TRAPPC9: variants seen among roughly 807,000 people sequenced by gnomAD.
TRAPPC9 encodes trafficking protein particle complex subunit 9, also known as IKK2 binding protein.
TRAPPC9 carries 83 observed loss-of-function variants against 124.0 expected under a neutral mutation model. The ratio of observed to expected loss-of-function variants is 0.67; its 90% CI spans 0.56 to 0.80. The LOEUF (loss-of-function observed/expected upper bound fraction) is 0.80. Ranked by LOEUF, TRAPPC9 falls within the 30% of genes least tolerant of loss-of-function variation. The pLI, the probability that TRAPPC9 is intolerant of heterozygous loss-of-function variation, is 0.00. For synonymous variants in TRAPPC9, 638 were observed against 617.5 expected (o/e 1.03, Z -0.49); for missense variants, 1,302 against 1,508.3 (o/e 0.86, Z 2.27).
chr8:139,919,632 G>C (rs1412778167), intron 19 of TRAPPC9, among the ~76,000 whole-genome samples: 1 of 152,156 alleles, frequency 6.6e-6, no homozygotes, highest in African/African-American at 2.4e-5. Context: ...GAGATGTTCT[G>C]GGCATTATTT....
intron 15 of TRAPPC9, among the ~76,000 whole-genome samples, chr8:140,275,279 G>T (rs930217843): frequency 6.6e-6 from 1 of 152,190 alleles, no homozygotes. Flanking sequence ...TGCATGATGG[G>T]TTGGATCCCA....
intron 11 of TRAPPC9, among the ~76,000 whole-genome samples, chr8:140,297,207 C>T (rs977842121): frequency 1.3e-5 from 2 of 152,220 alleles, no homozygotes; most frequent in African/African-American, 4.8e-5. Flanking sequence ...CTTCCTGTCA[C>T]CTCATGTTCT....
chr8:140,051,576 CTT>C (rs1197128988), intron 17 of TRAPPC9, among the ~76,000 whole-genome samples: 24 of 88,016 alleles, frequency 2.7e-4, no homozygotes, highest in Admixed American at 1.4e-3. Flanking sequence ...ATTGTTCATT[CTT>C]TTTTTTTTTT....
Position 140,252,721 on chromosome 8 carries a change from T to G in TRAPPC9, c.2431+56A>C. On this transcript the variant is annotated intron_variant, in intron 16 of 22. Coordinates refer to ENST00000438773, the MANE Select transcript of TRAPPC9 (RefSeq NM_001160372.4). This position sits in a 1 kb window ranked among gnomAD's most constrained non-coding sequence, Gnocchi z 4.2. ...AACAGCAGGCATCAAGGGATGGGGG[T>G]TGCTACACAGTATCTAGGACCCTGA... is the stretch of plus-strand genomic sequence containing the variant. 1 of 1,598,754 alleles carries G rather than the reference T, an allele frequency of 6.3e-7. No individual in the cohort carries two copies. The highest frequency in any genetic ancestry group is 8.5e-7 in the Non-Finnish European group (1 of 1,173,622).
At chr8:140,394,927 G>A (rs2069043770) in intron 7 of TRAPPC9, among the ~76,000 whole-genome samples, 1 of 152,140 alleles carries the variant, frequency 6.6e-6, no homozygotes, top group Non-Finnish European at 1.5e-5. Flanking sequence ...GCAAATCTGT[G>A]GCCCGGCGCA....
At chr8:140,453,318 T>C (rs901061353) in intron 1 of TRAPPC9, among the ~76,000 whole-genome samples, 1 of 152,134 alleles carries the variant, frequency 6.6e-6, no homozygotes, top group Non-Finnish European at 1.5e-5. Flanking sequence ...TTAATTTTGT[T>C]TTCTTTTTCT....
At chr8:140,085,073 G>C (rs370974162) in intron 17 of TRAPPC9, among the ~76,000 whole-genome samples, 1 of 152,142 alleles carries the variant, frequency 6.6e-6, no homozygotes. Context: ...AGTGGAGATG[G>C]GGGTGCAGGG....
chr8:139,890,441 C>T (rs548508088), intron 20 of TRAPPC9, among the ~76,000 whole-genome samples: 1 of 152,360 alleles, frequency 6.6e-6, no homozygotes, highest in South Asian at 2.1e-4. Flanking sequence ...CCAGGGCAGT[C>T]CATGGCCAGC....
chr8:140,337,165 G>T (rs761602283), intron 9 of TRAPPC9, among the ~76,000 whole-genome samples: 1 of 152,146 alleles, frequency 6.6e-6, no homozygotes, highest in Non-Finnish European at 1.5e-5. Flanking sequence ...ACACGCAGCC[G>T]CGGAAGCCCA....
chr8:140,014,459 A>G (rs2131866146), intron 18 of TRAPPC9, among the ~76,000 whole-genome samples: 1 of 152,140 alleles, frequency 6.6e-6, no homozygotes, highest in South Asian at 2.1e-4. Flanking sequence ...TAATAATGAG[A>G]ATTCTACCTA....
rs776639446 is a variant in TRAPPC9 at position 140,450,840 on chromosome 8, G to A, written c.534C>T (p.Leu178=). 7.4e-6 allele frequency: 12 copies of A among 1,613,504 alleles called. No individual in the cohort carries two copies. The highest frequency in any genetic ancestry group is 9.3e-6 in the Non-Finnish European group (11 of 1,179,856). ...TDKSGDKIPL[L]CVPFEKKDFV... ...AGTCCTTTTTCTCAAACGGGACACAGAGAAGGGGGATCTTATCCCCAGACT... is the reference window on the plus strand; with the variant it reads ...AGTCCTTTTTCTCAAACGGGACACAAAGAAGGGGGATCTTATCCCCAGACT... The change falls in exon 2 of 23, where the codon CTC becomes CTT. Residue 178 remains leucine (L), a synonymous_variant. Coordinates refer to ENST00000438773, the MANE Select transcript of TRAPPC9 (RefSeq NM_001160372.4).
chr8:140,154,367 C>G (rs560818643), intron 17 of TRAPPC9, among the ~76,000 whole-genome samples: 1 of 152,254 alleles, frequency 6.6e-6, no homozygotes, highest in African/African-American at 2.4e-5. Flanking sequence ...GTACAACAGT[C>G]TCTTCACTGA....
At chr8:139,849,649 TGTG>T (rs373244314) in intron 21 of TRAPPC9, among the ~76,000 whole-genome samples, 1 of 152,252 alleles carries the variant, frequency 6.6e-6, no homozygotes, top group East Asian at 1.9e-4. Context: ...TGGACACTGT[TGTG>T]GTAACACCAT....
intron 13 of TRAPPC9, among the ~76,000 whole-genome samples, chr8:140,287,120 A>G (rs1361928438): frequency 1.3e-5 from 2 of 152,176 alleles, no homozygotes; most frequent in Non-Finnish European, 2.9e-5. Context: ...AGGGTCAGCC[A>G]GGGACTCAAA....
chr8:139,795,381 C>T (rs1179831148), intron 21 of TRAPPC9, among the ~76,000 whole-genome samples: 1 of 152,186 alleles, frequency 6.6e-6, no homozygotes, highest in Non-Finnish European at 1.5e-5. Context: ...TTCTCCTGGA[C>T]ACAGAGATCT....
chr8:140,456,895 AACAG>A, intron 1 of TRAPPC9: 1 of 958,182 alleles, frequency 1.0e-6, no homozygotes, highest in Non-Finnish European at 1.2e-6. Flanking sequence ...ACTTTCGGTT[AACAG>A]ACATTCACGT....
chr8:140,121,592 G>A (rs1181584481), intron 17 of TRAPPC9, among the ~76,000 whole-genome samples: 1 of 152,228 alleles, frequency 6.6e-6, no homozygotes, highest in Non-Finnish European at 1.5e-5. Flanking sequence ...AGTGGATTCA[G>A]AGAGATGACC....
chr8:139,869,389 A>C lies in TRAPPC9; in HGVS notation c.3055+16490T>G, dbSNP rs148814730. 6.5e-3 allele frequency among the ~76,000 whole-genome samples: 983 copies of C among 152,354 alleles called. 8 individuals carry two copies. Among genetic ancestry groups the C allele is most frequent in the Middle Eastern group, 0.034 (10 of 294 alleles). On this transcript the variant is annotated intron_variant, in intron 21 of 22. Transcript: ENST00000438773. ...AGGGGACAGCCAAAGGACAACAGTT[A>C]TGAGCATCTGTGTGCCACAGGCCAT...
intron 19 of TRAPPC9, among the ~76,000 whole-genome samples, chr8:139,985,894 C>A (rs1563666491): frequency 1.3e-5 from 2 of 152,168 alleles, no homozygotes; most frequent in African/African-American, 4.8e-5. Context: ...AAGAATAACG[C>A]TGATTTTTAA....
Sources: allele counts gnomAD v4.1 joint callset (sites outside exome capture counted in the v4.1 genomes callset), GRCh38; gene constraint gnomAD v4.1.1; non-coding constraint Gnocchi (gnomAD v3.1); transcripts MANE v1.5; gene names NCBI Gene and HGNC (gene_info 2026-07-23, HGNC 2026-07-21).